The following TRHDE variants were observed in gnomAD, a reference collection of about 807,000 sequenced individuals.
TRHDE encodes the protein thyrotropin-releasing hormone-degrading ectoenzyme.
In TRHDE, 72 loss-of-function variants were observed where a neutral mutation model predicts 125.7. That is an observed-to-expected ratio of 0.57 (90% CI 0.47 to 0.70). The LOEUF (loss-of-function observed/expected upper bound fraction) is 0.70. TRHDE is among the 30% of genes least tolerant of loss of function. TRHDE has a pLI of 0.00. For synonymous variants in TRHDE, 509 were observed against 509.1 expected, an observed-to-expected ratio of 1.00 and a Z score of 0.00; for missense variants, 1,110 against 1,327.1, an observed-to-expected ratio of 0.84 and a Z score of 2.54.
chr12:72,389,852 A>G (rs1359999204), intron 3 of TRHDE, among the ~76,000 whole-genome samples: 1 of 152,176 alleles, frequency 6.6e-6, no homozygotes, highest in African/African-American at 2.4e-5. Context: ...AGAACAGACT[A>G]TTGGGGGATG....
chr12:72,447,802 C>T (rs1298015143), intron 3 of TRHDE, among the ~76,000 whole-genome samples: 1 of 152,006 alleles, frequency 6.6e-6, no homozygotes, highest in African/African-American at 2.4e-5. Context: ...GGGGCCCAGG[C>T]ATCAGTATTT....
At chr12:72,343,115 C>T (rs544478673) in intron 2 of TRHDE, among the ~76,000 whole-genome samples, 3 of 152,202 alleles carry the variant, frequency 2.0e-5, no homozygotes, top group South Asian at 4.1e-4. Flanking sequence ...GTCTTAATCA[C>T]GCTGCTTTAT....
intron 2 of TRHDE, among the ~76,000 whole-genome samples, chr12:72,361,366 A>G (rs1871069249): frequency 6.6e-6 from 1 of 151,904 alleles, no homozygotes; most frequent in Non-Finnish European, 1.5e-5. Flanking sequence ...ATGCTTGGAC[A>G]TGCATTATGT....
intron 5 of TRHDE, among the ~76,000 whole-genome samples, chr12:72,484,271 A>G (rs1296200465): frequency 1.3e-5 from 2 of 152,174 alleles, no homozygotes; most frequent in African/African-American, 4.8e-5. Flanking sequence ...TTTTGTTGAA[A>G]TGTCCTATCA....
intron 9 of TRHDE, among the ~76,000 whole-genome samples, chr12:72,568,002 T>G (rs1029915698): frequency 1.3e-5 from 2 of 152,108 alleles, no homozygotes; most frequent in Non-Finnish European, 2.9e-5. Flanking sequence ...GAGCATTAAG[T>G]GTGTCCCACA....
rs1879907628 is a variant in TRHDE, at chr12:72,286,829, G to A, written c.1063G>A (p.Val355Met). 6 of 1,613,778 alleles carry A rather than the reference G, an allele frequency of 3.7e-6. No homozygotes were observed. The highest frequency in any genetic ancestry group is 2.2e-5 in the East Asian group (1 of 44,860). The change falls in exon 2 of 19, where the codon GTG (valine) becomes ATG (methionine). Residue 355 changes from valine (V) to methionine (M), a missense_variant. Val to Met is a conservative substitution (Grantham distance 21). Transcript: ENST00000261180. ...SLSNMPVETS[V>M]FEEDGWVTDH... is the part of the protein sequence containing the mutation. ...ATCTAATATGCCAGTGGAAACTTCC[G>A]TGTTTGAGGAAGATGGATGGGTTAC... is the stretch of plus-strand genomic sequence containing the variant.
At chr12:72,257,014 A>G (rs531248832) in intron 2 of TRHDE, 17 of 152,292 alleles carry the variant, frequency 1.1e-4, no homozygotes, top group African/African-American at 4.1e-4. Flanking sequence ...GAATTATGAC[A>G]TTGGGAGTCA....
chr12:72,579,922 C>T (rs1250381595), intron 12 of TRHDE, among the ~76,000 whole-genome samples: 2 of 152,012 alleles, frequency 1.3e-5, no homozygotes, highest in African/African-American at 4.8e-5. Context: ...TTTTGCCTAA[C>T]TGCTCTCTTT....
chr12:72,168,281 C>CT (rs1308737618), intron 2 of TRHDE, among the ~76,000 whole-genome samples: 2 of 152,156 alleles, frequency 1.3e-5, no homozygotes, highest in African/African-American at 4.8e-5. Context: ...TTCAGGCTCT[C>CT]TTGCAGCTGG....
At chr12:72,430,823 A>G (rs1874446349) in intron 3 of TRHDE, among the ~76,000 whole-genome samples, 1 of 152,046 alleles carries the variant, frequency 6.6e-6, no homozygotes, top group Non-Finnish European at 1.5e-5. Context: ...AATGCTTTGA[A>G]TCTCTGTGTC....
intron 2 of TRHDE, among the ~76,000 whole-genome samples, chr12:72,127,892 C>T (rs1385305351): frequency 2.0e-5 from 3 of 151,390 alleles, no homozygotes; most frequent in Non-Finnish European, 2.9e-5. Flanking sequence ...TATATATATA[C>T]ACACACACAG....
intron 3 of TRHDE, among the ~76,000 whole-genome samples, chr12:72,417,069 G>A (rs865966094): frequency 9.9e-5 from 15 of 151,854 alleles, no homozygotes; most frequent in African/African-American, 3.6e-4. Context: ...TTTCATTGTA[G>A]AGATCTTTTG....
chr12:72,483,793 A>C (rs990084244), intron 5 of TRHDE, among the ~76,000 whole-genome samples: 1 of 152,024 alleles, frequency 6.6e-6, no homozygotes, highest in African/African-American at 2.4e-5. Flanking sequence ...AAGACTTCTT[A>C]TTATCTGACA....
intron 6 of TRHDE, among the ~76,000 whole-genome samples, chr12:72,516,175 G>T (rs1878850114): frequency 6.6e-6 from 1 of 151,156 alleles, no homozygotes; most frequent in Admixed American, 6.6e-5. Flanking sequence ...TTCCAATTCT[G>T]TGAAGAAAGT....
intron 12 of TRHDE, among the ~76,000 whole-genome samples, chr12:72,576,012 T>A (rs1870977266): frequency 6.6e-6 from 1 of 152,178 alleles, no homozygotes; most frequent in African/African-American, 2.4e-5. Context: ...AAAATATATA[T>A]CAATCTTGTA....
intron 2 of TRHDE, among the ~76,000 whole-genome samples, chr12:72,229,234 G>A (rs35474350): frequency 1.3e-5 from 2 of 152,124 alleles, no homozygotes; most frequent in East Asian, 1.9e-4. Context: ...AGTTTCATAC[G>A]GGTGGGGAGG....
intron 3 of TRHDE, among the ~76,000 whole-genome samples, chr12:72,430,160 A>C (rs142540777): frequency 6.6e-6 from 1 of 150,564 alleles, no homozygotes; most frequent in East Asian, 2.0e-4. Flanking sequence ...CATTTTTATT[A>C]CTAGTTGTTT....
chr12:72,588,205 TAGTC>T (rs1254167387), intron 12 of TRHDE, among the ~76,000 whole-genome samples: 8 of 152,198 alleles, frequency 5.3e-5, no homozygotes, highest in East Asian at 1.9e-4. Context: ...AATACAAAGT[TAGTC>T]AGTATTATCT....
chr12:72,263,533 G>A (rs1210517309), intron 2 of TRHDE: 2 of 151,998 alleles, frequency 1.3e-5, no homozygotes, highest in Admixed American at 6.6e-5. Flanking sequence ...CTTTTAATTT[G>A]CTCCTATACC....
Sources: gnomAD v4.1 joint callset for allele counts (sites outside exome capture counted in the v4.1 genomes callset) on GRCh38, gnomAD v4.1.1 for gene constraint, MANE v1.5 for transcripts, NCBI Gene and HGNC (gene_info 2026-07-23, HGNC 2026-07-21) for gene names.